Variants in ZYG11B observed in about 807,000 individuals in gnomAD.
ZYG11B encodes zyg-11 family member B, cell cycle regulator.
A neutral mutation model predicts 82.4 loss-of-function variants in ZYG11B; 36 were observed. That is an observed-to-expected ratio of 0.44 (90% CI 0.33 to 0.58). ZYG11B has a LOEUF of 0.58. Among genes scored for constraint, ZYG11B ranks in the 20% least tolerant of loss-of-function variants. The probability of loss-of-function intolerance (pLI) is 0.02; values close to 1 mark genes in which losing one functional copy is unlikely to be tolerated. For missense variants in ZYG11B, 552 were observed against 895.6 expected, an observed-to-expected ratio of 0.62 and a Z score of 4.90; for synonymous variants, 303 against 312.8, an observed-to-expected ratio of 0.97 and a Z score of 0.33.
intron 3 of ZYG11B, among the ~76,000 whole-genome samples, chr1:52,775,359 A>C (rs969244877): frequency 2.0e-5 from 3 of 151,802 alleles, no homozygotes; most frequent in African/African-American, 7.3e-5. Context: ...TGGGAGGCCG[A>C]GGTGGGAGGA....
chr1:52,742,501 T>G (rs995556193), intron 1 of ZYG11B, among the ~76,000 whole-genome samples: 1 of 151,926 alleles, frequency 6.6e-6, no homozygotes, highest in Non-Finnish European at 1.5e-5. Flanking sequence ...GAATTTTTTT[T>G]GTATTTTTTT....
intron 2 of ZYG11B, among the ~76,000 whole-genome samples, chr1:52,759,228 A>G (rs2149931538): frequency 6.6e-6 from 1 of 152,272 alleles, no homozygotes; most frequent in Middle Eastern, 3.4e-3. Flanking sequence ...CACTGCACCC[A>G]GCCAGTGCTC....
chr1:52,803,171 CACATATATATATATAT>C lies in ZYG11B; in HGVS notation c.1695+1036_1695+1051del, dbSNP rs1558140311. Among the ~76,000 whole-genome samples the C allele has an allele frequency of 5.1e-4, 27 of 53,376 alleles. 3 individuals are homozygous for C. Among genetic ancestry groups the C allele is most frequent in the African/African-American group, 4.2e-3 (19 of 4,500 alleles). The allele number at this position is 53,376 out of a possible 152,430, so 35.0% of individuals were successfully genotyped here. On this transcript the variant is annotated intron_variant, in intron 10 of 13. Transcript: ENST00000294353. The stretch of plus-strand genomic sequence containing the variant: ...ATATATATACACATATATATATACA[CACATATATATATATAT>C]ACACATATATATATATACACACACA...
Position 52,801,808 on chromosome 1 carries a change from T to C in ZYG11B, c.1486-11T>C, listed in dbSNP as rs1158774418. On this transcript the variant is annotated splice_polypyrimidine_tract_variant and intron_variant, in intron 8 of 13. Coordinates refer to ENST00000294353, the MANE Select transcript of ZYG11B (RefSeq NM_024646.3). ...AAAGTGAAAACTTATTTCTGTTTTT[T>C]TTTTTTTCAGCAACTTCTTCAAATA... The C allele has an allele frequency of 5.1e-6, 8 of 1,573,844 alleles. No individual in the cohort carries two copies. Among genetic ancestry groups the C allele is most frequent in the African/African-American group, 1.4e-5 (1 of 72,344 alleles).
At chr1:52,768,270 T>C (rs1453586102) in intron 2 of ZYG11B, among the ~76,000 whole-genome samples, 1 of 152,162 alleles carries the variant, frequency 6.6e-6, no homozygotes, top group East Asian at 1.9e-4. Flanking sequence ...CCTTCAACTT[T>C]AGATCTGGGA....
intron 2 of ZYG11B, among the ~76,000 whole-genome samples, chr1:52,767,101 T>A (rs1239924404): frequency 6.7e-6 from 1 of 149,868 alleles, no homozygotes; most frequent in African/African-American, 2.5e-5. Context: ...ATTATTTTGT[T>A]ATGTTTTATG....
intron 2 of ZYG11B, among the ~76,000 whole-genome samples, chr1:52,762,388 T>C (rs943653027): frequency 6.6e-6 from 1 of 151,988 alleles, no homozygotes; most frequent in African/African-American, 2.4e-5. Flanking sequence ...TTAAAATTTT[T>C]TGTAGAGGCA....
intron 1 of ZYG11B, among the ~76,000 whole-genome samples, chr1:52,751,553 C>A (rs759953327): frequency 5.3e-5 from 8 of 152,002 alleles, no homozygotes; most frequent in Non-Finnish European, 8.8e-5. Context: ...TCACTGGAAC[C>A]TGACGTGAGG....
intron 13 of ZYG11B, among the ~76,000 whole-genome samples, chr1:52,820,096 A>G (rs1037881263): frequency 1.3e-5 from 2 of 150,564 alleles, no homozygotes; most frequent in Non-Finnish European, 3.0e-5. Flanking sequence ...TTGTATTTTT[A>G]GTAGAGACGG....
chr1:52,792,045 T>A (rs1290148314), intron 6 of ZYG11B, among the ~76,000 whole-genome samples: 1 of 152,204 alleles, frequency 6.6e-6, no homozygotes, highest in Admixed American at 6.5e-5. Context: ...CAAATGGATA[T>A]GGCTGTGTTC....
chr1:52,803,221 TATACAC>T (rs1645105357), intron 10 of ZYG11B, among the ~76,000 whole-genome samples: 3 of 74,040 alleles, frequency 4.1e-5, no homozygotes, highest in Non-Finnish European at 6.4e-5. Context: ...CATATATATA[TATACAC>T]ACATATATAT....
intron 1 of ZYG11B, among the ~76,000 whole-genome samples, chr1:52,746,365 T>G (rs1644476352): frequency 6.6e-6 from 1 of 152,170 alleles, no homozygotes; most frequent in Non-Finnish European, 1.5e-5. Flanking sequence ...CAGTCTTTAT[T>G]TGCATTTCTT....
intron 8 of ZYG11B, 68 bp downstream of exon 8, chr1:52,796,852 A>T (rs556872566): frequency 1.5e-6 from 1 of 668,946 alleles, no homozygotes; most frequent in Non-Finnish European, 2.0e-6. Flanking sequence ...GCAGTATTGT[A>T]TATTTTCTGA....
intron 1 of ZYG11B, among the ~76,000 whole-genome samples, chr1:52,751,164 G>C (rs928231605): frequency 6.6e-6 from 1 of 151,940 alleles, no homozygotes; most frequent in African/African-American, 2.4e-5. Context: ...GTTTTTTGTA[G>C]AGATGGGGTT....
At position 52,783,805 on chromosome 1, in the gene ZYG11B, T is replaced by TATACACAC. The variant is rs74185908; in HGVS notation, c.1093-1071_1093-1070insTACACACA. Reference sequence around the variant, plus strand: ...GCCCAGCTTTATATATATATATATATACACACACACGTATATGTATACATA... The same window carrying TATACACAC: ...GCCCAGCTTTATATATATATATATATATACACACACACACACACGTATATGTATACATA... On this transcript the variant is annotated intron_variant, in intron 4 of 13. Transcript: ENST00000294353. Among the ~76,000 whole-genome samples the TATACACAC allele has an allele frequency of 4.5e-3, 610 of 135,000 alleles. 12 individuals carry two copies. Among genetic ancestry groups the TATACACAC allele is most frequent in the African/African-American group, 0.016 (579 of 35,174 alleles). 88.6% of individuals were successfully genotyped at this position (135,000 alleles called of 152,430 possible).
chr1:52,817,863 A>C (rs1645249481), intron 13 of ZYG11B, among the ~76,000 whole-genome samples: 1 of 72,290 alleles, frequency 1.4e-5, no homozygotes, highest in African/African-American at 5.3e-5. Flanking sequence ...TTTGAGATGG[A>C]GTCTCACTTT....
chr1:52,742,008 G>A (rs1013281490), intron 1 of ZYG11B, among the ~76,000 whole-genome samples: 1 of 152,092 alleles, frequency 6.6e-6, no homozygotes, highest in African/African-American at 2.4e-5. Context: ...AAATTGTCGA[G>A]TTTGTAATTT....
chr1:52,761,570 C>G (rs1644631872), intron 2 of ZYG11B, among the ~76,000 whole-genome samples: 1 of 152,188 alleles, frequency 6.6e-6, no homozygotes, highest in Non-Finnish European at 1.5e-5. Flanking sequence ...ACCACATGTT[C>G]TTTATTCATT....
At chr1:52,809,171 AAAC>A (rs144808703) in intron 10 of ZYG11B, among the ~76,000 whole-genome samples, 6,561 of 152,260 alleles carry the variant, frequency 0.043, 224 homozygotes, top group East Asian at 0.18. Flanking sequence ...AAATTGTGGT[AAAC>A]AACGTAAAAT....
Sources: allele counts gnomAD v4.1 joint callset (sites outside exome capture counted in the v4.1 genomes callset), GRCh38; gene constraint gnomAD v4.1.1; transcripts MANE v1.5; gene names NCBI Gene and HGNC (gene_info 2026-07-23, HGNC 2026-07-21).